Variants in EPB41 observed in about 807,000 individuals in gnomAD.
EPB41 encodes the protein protein 4.1.
Under a neutral mutation model 108.0 loss-of-function variants are expected in EPB41, and 65 were observed. The observed-to-expected ratio is 0.60, with a 90% CI of 0.49 to 0.74. The LOEUF (loss-of-function observed/expected upper bound fraction) is 0.74, where lower values mean the gene tolerates loss of function less well. Ranked by LOEUF, EPB41 falls within the 30% of genes least tolerant of loss-of-function variation. The pLI is 0.00. For synonymous variants in EPB41, 336 were observed against 358.9 expected (o/e 0.94, Z 0.72); for missense variants, 875 against 1,037.0 (o/e 0.84, Z 2.15).
chr1:29,083,050 A>G (rs993176554), intron 16 of EPB41, among the ~76,000 whole-genome samples: 2 of 152,178 alleles, frequency 1.3e-5, no homozygotes, highest in African/African-American at 2.4e-5. Context: ...TCCAGATTTT[A>G]TACAAATGTA....
chr1:29,053,096 TCA>T lies in EPB41; in HGVS notation c.1637-5_1637-4del. On this transcript the variant is annotated splice_polypyrimidine_tract_variant and splice_region_variant and intron_variant, in intron 11 of 20. Coordinates refer to ENST00000343067, the MANE Select transcript of EPB41 (RefSeq NM_001376013.1). Reference sequence around the variant, plus strand: ...TACTTATGCTTCCCTTTTCCCTTTCTCACATAGCAGCAGCTGTCGATTCGGCA... The same window carrying T: ...TACTTATGCTTCCCTTTTCCCTTTCTCATAGCAGCAGCTGTCGATTCGGCA... The T allele has an allele frequency of 6.2e-7, 1 of 1,613,610 alleles. No homozygotes were observed. The highest frequency in any genetic ancestry group is 8.5e-7 in the Non-Finnish European group (1 of 1,179,990).
At chr1:29,106,563 G>GGTTT (rs1558324414) in intron 17 of EPB41, among the ~76,000 whole-genome samples, 1 of 37,148 alleles carries the variant, frequency 2.7e-5, no homozygotes, top group Non-Finnish European at 7.0e-5. Context: ...GAGTAGCTGG[G>GGTTT]ATTTTTTTTT....
chr1:28,994,587 C>T (rs563539189), intron 3 of EPB41, among the ~76,000 whole-genome samples: 1 of 152,088 alleles, frequency 6.6e-6, no homozygotes, highest in East Asian at 1.9e-4. Flanking sequence ...CTAGTAACAG[C>T]TTTTATTGAC....
intron 1 of EPB41, among the ~76,000 whole-genome samples, chr1:28,915,731 C>CTTTTTTTTTTTTTTTTTTTTTTTGTT (rs11321625): frequency 1.8e-5 from 1 of 56,074 alleles, no homozygotes; most frequent in Admixed American, 2.6e-4. Context: ...TTTTCAGATG[C>CTTTTTTTTTTTTTTTTTTTTTTTGTT]TTTTTTTTTT....
intron 4 of EPB41, among the ~76,000 whole-genome samples, chr1:28,997,903 A>G (rs2096218581): frequency 6.6e-6 from 1 of 152,210 alleles, no homozygotes. Context: ...GTTAAAAGTC[A>G]GGTATTTACC....
rs189816830 is a variant in EPB41 at position 28,958,754 on chromosome 1, G to A, written c.-7-28677G>A. Among the ~76,000 whole-genome samples the A allele has an allele frequency of 2.1e-5, 3 of 145,070 alleles. No individual in the cohort carries two copies. The Admixed American group carries it at 2.1e-4, about 10-fold the overall frequency. On this transcript the variant is annotated intron_variant, in intron 1 of 20. Transcript: ENST00000343067. Reference sequence around the variant, plus strand: ...GGATTGCTTGAGCCTGGGAGGTGAAGGCTGCAGTGAGCCATAATTGTGCCA... The same window carrying A: ...GGATTGCTTGAGCCTGGGAGGTGAAAGCTGCAGTGAGCCATAATTGTGCCA...
At chr1:28,959,064 C>T (rs1323915915) in intron 1 of EPB41, among the ~76,000 whole-genome samples, 1 of 151,538 alleles carries the variant, frequency 6.6e-6, no homozygotes, top group African/African-American at 2.4e-5. Flanking sequence ...CAGGGAAGTG[C>T]AGGCTGTTTT....
chr1:28,975,653 G>A (rs996923262), intron 1 of EPB41, among the ~76,000 whole-genome samples: 3 of 151,912 alleles, frequency 2.0e-5, no homozygotes, highest in African/African-American at 4.8e-5. Flanking sequence ...CATTCTACAC[G>A]TACACTCTGG....
intron 16 of EPB41, among the ~76,000 whole-genome samples, chr1:29,081,631 T>G (rs1266971575): frequency 6.6e-6 from 1 of 151,916 alleles, no homozygotes; most frequent in African/African-American, 2.4e-5. Context: ...AGGTCGGGAG[T>G]TTGAGACCAG....
intron 1 of EPB41, among the ~76,000 whole-genome samples, chr1:28,942,225 CTA>C (rs2094317280): frequency 6.6e-6 from 1 of 152,136 alleles, no homozygotes; most frequent in Non-Finnish European, 1.5e-5. Context: ...GCTGGGTGTC[CTA>C]TATAATTCAC....
chr1:28,935,748 G>T (rs1363666424), intron 1 of EPB41, among the ~76,000 whole-genome samples: 1 of 151,230 alleles, frequency 6.6e-6, no homozygotes, highest in East Asian at 2.0e-4. Flanking sequence ...GAGAAACCCC[G>T]TCTCTACTAA....
In EPB41 at chr1:29,117,163, T is replaced by A. The variant is rs502393; in HGVS notation, c.*351T>A. ...CCCCAACAGACACTGACAGGGTCCA[T>A]GGAATTCTTCGGGAAATCCTCCAAG... On this transcript the variant is annotated 3_prime_UTR_variant, in exon 21 of 21. Transcript: ENST00000343067. 2.6e-5 allele frequency: 4 copies of A among 152,080 alleles called. No homozygotes were observed. Among genetic ancestry groups the A allele is most frequent in the Non-Finnish European group, 5.9e-5 (4 of 68,042 alleles). 9.4% of individuals were successfully genotyped at this position (152,080 alleles called of 1,614,324 possible).
chr1:29,053,764 T>G, intron 12 of EPB41: 2 of 169,600 alleles, frequency 1.2e-5, no homozygotes, highest in Admixed American at 5.7e-5. Context: ...TTTCACCGTG[T>G]TAGCCAGGAT....
chr1:29,060,085 T>G (rs1439350065), intron 14 of EPB41, among the ~76,000 whole-genome samples: 3 of 152,110 alleles, frequency 2.0e-5, no homozygotes, highest in African/African-American at 7.2e-5. Context: ...AGTTTCAGCG[T>G]TTTTTAGTCA....
chr1:28,916,651 A>G (rs955063953), intron 1 of EPB41, among the ~76,000 whole-genome samples: 1 of 152,180 alleles, frequency 6.6e-6, no homozygotes, highest in African/African-American at 2.4e-5. Flanking sequence ...AGGTGAACTC[A>G]TTGTTGAACA....
chr1:29,051,390 T>C (rs1644495386), intron 11 of EPB41, among the ~76,000 whole-genome samples: 1 of 151,830 alleles, frequency 6.6e-6, no homozygotes, highest in African/African-American at 2.4e-5. Context: ...TGAGCCACCG[T>C]GCCTGGCCAA....
intron 16 of EPB41, among the ~76,000 whole-genome samples, chr1:29,079,682 C>T (rs1218390625): frequency 6.6e-6 from 1 of 152,190 alleles, no homozygotes; most frequent in Admixed American, 6.5e-5. Flanking sequence ...CCGCACCCAG[C>T]GAGAAATCTG....
At chr1:28,897,546 T>TAGGA (rs1243721396) in intron 1 of EPB41, among the ~76,000 whole-genome samples, 2 of 142,880 alleles carry the variant, frequency 1.4e-5, no homozygotes, top group African/African-American at 5.2e-5. Context: ...GAAACCCCTG[T>TAGGA]AGGTAGGTAG....
At chr1:29,039,641 C>T (rs1367917266) in intron 11 of EPB41, among the ~76,000 whole-genome samples, 1 of 152,018 alleles carries the variant, frequency 6.6e-6, no homozygotes, top group Non-Finnish European at 1.5e-5. Flanking sequence ...AGTGAAACCC[C>T]ATCTCTACTA....
Sources: gnomAD v4.1 joint callset for allele counts (sites outside exome capture counted in the v4.1 genomes callset) on GRCh38, gnomAD v4.1.1 for gene constraint, MANE v1.5 for transcripts, NCBI Gene and HGNC (gene_info 2026-07-23, HGNC 2026-07-21) for gene names.